FAM168A: variants seen among roughly 807,000 people sequenced by gnomAD.
The protein encoded by FAM168A is family with sequence similarity 168 member A.
In FAM168A, 3 loss-of-function variants were observed where a neutral mutation model predicts 28.5. The ratio of observed to expected loss-of-function variants is 0.11; its 90% CI spans 0.05 to 0.27. The LOEUF is 0.27. Ranked by LOEUF, FAM168A falls within the 10% of genes least tolerant of loss-of-function variation. FAM168A has a pLI of 1.00. For synonymous variants in FAM168A, 122 were observed against 124.2 expected (o/e 0.98, Z 0.12); for missense variants, 222 against 311.5 (o/e 0.71, Z 2.16).
rs376610388 is a variant in FAM168A, at chr11:73,474,245, G to A, written c.-18-5753C>T. Reference sequence around the variant, plus strand: ...TGGGAAGTCCAAGATCAAGGGGACGGCATCTGGCAAGGGCCTTCTTGCTAT... The same window carrying A: ...TGGGAAGTCCAAGATCAAGGGGACGACATCTGGCAAGGGCCTTCTTGCTAT... On this transcript the variant is annotated intron_variant, in intron 1 of 7. Transcript: ENST00000356467. Among the ~76,000 whole-genome samples, 56 of 152,254 alleles carry A rather than the reference G, an allele frequency of 3.7e-4. No individual in the cohort carries two copies. In the South Asian group the frequency reaches 0.012, roughly 32 times the overall value.
intron 1 of FAM168A, among the ~76,000 whole-genome samples, chr11:73,537,736 C>A (rs1237967200): frequency 6.6e-6 from 1 of 152,190 alleles, no homozygotes; most frequent in Non-Finnish European, 1.5e-5. Context: ...TTTAAGCACA[C>A]AAACATTGTG....
intron 1 of FAM168A, among the ~76,000 whole-genome samples, chr11:73,498,986 G>A (rs112354771): frequency 3.0e-4 from 46 of 152,234 alleles, no homozygotes; most frequent in African/African-American, 1.0e-3. Flanking sequence ...TCCCCCCAGC[G>A]GAACACACCC....
chr11:73,498,053 C>T (rs748878492), intron 1 of FAM168A, among the ~76,000 whole-genome samples: 6 of 152,176 alleles, frequency 3.9e-5, no homozygotes, highest in Non-Finnish European at 5.9e-5. Context: ...ACAAACACCC[C>T]TGCCCTCAAA....
At chr11:73,504,575 C>T (rs1855071073) in intron 1 of FAM168A, among the ~76,000 whole-genome samples, 1 of 152,144 alleles carries the variant, frequency 6.6e-6, no homozygotes, top group Admixed American at 6.5e-5. Context: ...TTAGTTCAAC[C>T]ATCGTAGAAG....
chr11:73,477,922 T>TAGAC (rs201818390), intron 1 of FAM168A, among the ~76,000 whole-genome samples: 1,498 of 12,480 alleles, frequency 0.12, 15 homozygotes, highest in African/African-American at 0.22. Flanking sequence ...AGCTGATATG[T>TAGAC]AGATAGATAG....
chr11:73,419,235 G>T (rs562068888), intron 4 of FAM168A, among the ~76,000 whole-genome samples: 31 of 152,310 alleles, frequency 2.0e-4, no homozygotes, highest in Non-Finnish European at 3.7e-4. Flanking sequence ...TGACCAGTCT[G>T]ACTGGCTAGC....
Position 73,442,838 on chromosome 11 carries a change from C to CTTT in FAM168A, c.71-12071_71-12069dup, listed in dbSNP as rs11365247. On this transcript the variant is annotated intron_variant, in intron 2 of 7. Transcript: ENST00000356467. ...TTCTATTTCTTTTCTTTCTTTCTTT[C>CTTT]TTTTTTTTTTTTTTGAGACAGAGTG... Among the ~76,000 whole-genome samples, 164 of 127,428 alleles carry CTTT rather than the reference C, an allele frequency of 1.3e-3. 2 individuals are homozygous for CTTT. The highest frequency in any genetic ancestry group is 4.0e-3 in the African/African-American group (140 of 34,696). 83.6% of individuals were successfully genotyped at this position (127,428 alleles called of 152,430 possible). A position where few individuals can be genotyped will look rare whatever the true frequency, so the allele number is the denominator to read the frequency against.
chr11:73,452,954 G>A (rs933512491), intron 2 of FAM168A, among the ~76,000 whole-genome samples: 1 of 151,920 alleles, frequency 6.6e-6, no homozygotes, highest in Non-Finnish European at 1.5e-5. Flanking sequence ...AATTTTACCA[G>A]ACGGTAAATA....
chr11:73,466,384 T>A (rs1466238446), intron 2 of FAM168A, among the ~76,000 whole-genome samples: 1 of 152,172 alleles, frequency 6.6e-6, no homozygotes, highest in Non-Finnish European at 1.5e-5. Context: ...AGAACTGAGT[T>A]CAAATATTTT....
chr11:73,422,259 C>T (rs1054726), intron 3 of FAM168A, among the ~76,000 whole-genome samples: 4,506 of 152,222 alleles, frequency 0.03, 221 homozygotes, highest in African/African-American at 0.1. Context: ...GTTACTATGT[C>T]TTTTCCAACT....
chr11:73,511,136 C>A (rs1449411771), intron 1 of FAM168A, among the ~76,000 whole-genome samples: 1 of 151,832 alleles, frequency 6.6e-6, no homozygotes, highest in Non-Finnish European at 1.5e-5. Flanking sequence ...GCCCATTCAG[C>A]CCAGAGCCAA....
At position 73,405,933 on chromosome 11, in the gene FAM168A, A is replaced by G. The variant is rs999600406; in HGVS notation, c.*830T>C. On this transcript the variant is annotated 3_prime_UTR_variant, in exon 8 of 8. Coordinates refer to ENST00000356467, the MANE Select transcript of FAM168A (RefSeq NM_015159.3). ...GGATGCTGGGATCCTACCACCCTGCAGCCGCTTGGCAGGTCTAAGGACAAA... is the reference window on the plus strand; with the variant it reads ...GGATGCTGGGATCCTACCACCCTGCGGCCGCTTGGCAGGTCTAAGGACAAA... The G allele has an allele frequency of 6.5e-6, 1 of 152,734 alleles. No homozygotes were observed. Among genetic ancestry groups the G allele is most frequent in the Non-Finnish European group, 1.5e-5 (1 of 68,112 alleles). 9.5% of individuals were successfully genotyped at this position (152,734 alleles called of 1,614,324 possible).
chr11:73,486,151 A>G (rs913664802), intron 1 of FAM168A, among the ~76,000 whole-genome samples: 1 of 152,236 alleles, frequency 6.6e-6, no homozygotes, highest in African/African-American at 2.4e-5. Context: ...TCCTGTAAGC[A>G]CTGAATACTC....
chr11:73,453,103 C>T (rs1334170549), intron 2 of FAM168A, among the ~76,000 whole-genome samples: 1 of 152,238 alleles, frequency 6.6e-6, no homozygotes, highest in Non-Finnish European at 1.5e-5. Flanking sequence ...GCTATTCACT[C>T]CTGCATCAAT....
At chr11:73,428,677 T>C (rs1180729883) in intron 3 of FAM168A, among the ~76,000 whole-genome samples, 7 of 152,254 alleles carry the variant, frequency 4.6e-5, no homozygotes, top group Admixed American at 3.3e-4. Flanking sequence ...CTTACCAAAT[T>C]TGATTATCAG....
intron 1 of FAM168A, among the ~76,000 whole-genome samples, chr11:73,523,036 A>C (rs1476778702): frequency 2.0e-5 from 3 of 151,466 alleles, no homozygotes; most frequent in Non-Finnish European, 4.4e-5. Flanking sequence ...AACAAAACAA[A>C]ACACACACAC....
chr11:73,549,940 T>C (rs1943806177), intron 1 of FAM168A, among the ~76,000 whole-genome samples: 1 of 152,240 alleles, frequency 6.6e-6, no homozygotes, highest in African/African-American at 2.4e-5. Context: ...GTAATTAAAT[T>C]ACAGGTGTTT....
intron 1 of FAM168A, among the ~76,000 whole-genome samples, chr11:73,496,420 C>T (rs965881590): frequency 6.6e-6 from 1 of 152,186 alleles, no homozygotes; most frequent in African/African-American, 2.4e-5. Context: ...TTTGCACCAA[C>T]CTTTAGTTTC....
At chr11:73,543,512 C>A (rs1371915510) in intron 1 of FAM168A, among the ~76,000 whole-genome samples, 1 of 152,114 alleles carries the variant, frequency 6.6e-6, no homozygotes, top group African/African-American at 2.4e-5. Flanking sequence ...CCACCCACCT[C>A]GGTCTCCCAA....
Sources: allele counts gnomAD v4.1 joint callset (sites outside exome capture counted in the v4.1 genomes callset), GRCh38; gene constraint gnomAD v4.1.1; transcripts MANE v1.5; gene names NCBI Gene and HGNC (gene_info 2026-07-23, HGNC 2026-07-21).